Variants in GRID2 observed in about 807,000 individuals in gnomAD.
GRID2 encodes the protein glutamate ionotropic receptor delta type subunit 2, also known as glutamate receptor ionotropic, delta-2.
A neutral mutation model predicts 114.8 loss-of-function variants in GRID2; 33 were observed. The observed-to-expected ratio is 0.29, with a 90% CI of 0.22 to 0.38. The LOEUF is 0.38. GRID2 is among the 10% of genes least tolerant of loss of function. The pLI is 1.00. For missense variants in GRID2, 1,184 were observed against 1,257.7 expected (o/e 0.94, Z 0.89); for synonymous variants, 505 against 449.9 (o/e 1.12, Z -1.55).
chr4:93,247,354 G>A (rs1199985855), intron 8 of GRID2, among the ~76,000 whole-genome samples: 2 of 152,254 alleles, frequency 1.3e-5, no homozygotes, highest in East Asian at 3.9e-4. Context: ...GGCGTACTGG[G>A]TAAAGATTAC....
chr4:92,951,024 C>T (rs1751993385), intron 2 of GRID2, among the ~76,000 whole-genome samples: 1 of 152,040 alleles, frequency 6.6e-6, no homozygotes, highest in Non-Finnish European at 1.5e-5. Context: ...CTTTGTTCTT[C>T]TAAAGGAAAC....
intron 2 of GRID2, among the ~76,000 whole-genome samples, chr4:92,926,842 T>C (rs1279286259): frequency 6.6e-6 from 1 of 151,850 alleles, no homozygotes; most frequent in Non-Finnish European, 1.5e-5. Context: ...TAAGGAGCAA[T>C]AACTAACTCA....
intron 2 of GRID2, among the ~76,000 whole-genome samples, chr4:92,684,382 A>G (rs941237830): frequency 7.2e-5 from 11 of 151,992 alleles, no homozygotes; most frequent in Non-Finnish European, 1.5e-4. Flanking sequence ...ATAAGGTTGT[A>G]CAGTGTAATT....
rs541390220 is a variant in GRID2, at chr4:93,174,534, G to A, written c.736-32870G>A. 2.6e-5 allele frequency among the ~76,000 whole-genome samples: 4 copies of A among 152,182 alleles called. No homozygotes were observed. In the East Asian group the frequency reaches 5.8e-4, roughly 22 times the overall value. Reference sequence around the variant, plus strand: ...TTCATATGTTGAAGCTTTAACCCCCGATATGACTGTATCTGGAGATAGGGT... The same window carrying A: ...TTCATATGTTGAAGCTTTAACCCCCAATATGACTGTATCTGGAGATAGGGT... On this transcript the variant is annotated intron_variant, in intron 4 of 15. Coordinates refer to ENST00000282020, the MANE Select transcript of GRID2 (RefSeq NM_001510.4).
intron 3 of GRID2, among the ~76,000 whole-genome samples, chr4:93,096,658 A>G (rs1283112590): frequency 6.6e-6 from 1 of 152,026 alleles, no homozygotes; most frequent in Non-Finnish European, 1.5e-5. Context: ...GCCAATCTGC[A>G]TCCACTAGAT....
exon 2 of GRID2, chr4:93,809,522 A>G (rs915197591): frequency 6.6e-6 from 1 of 152,208 alleles, no homozygotes; most frequent in African/African-American, 2.4e-5. Flanking sequence ...ACTATGTACA[A>G]AAGATCTGAT....
intron 13 of GRID2, among the ~76,000 whole-genome samples, chr4:93,556,784 A>G (rs1734361917): frequency 1.3e-5 from 2 of 152,134 alleles, no homozygotes; most frequent in African/African-American, 2.4e-5. Context: ...CAACCCCAAG[A>G]CACATACTCA....
At chr4:93,023,162 A>G (rs1020541879) in intron 2 of GRID2, among the ~76,000 whole-genome samples, 1 of 150,426 alleles carries the variant, frequency 6.6e-6, no homozygotes, top group African/African-American at 2.4e-5. Context: ...TGTATTGGGC[A>G]TGTATCTTTG....
At chr4:92,866,810 C>G (rs562081847) in intron 2 of GRID2, among the ~76,000 whole-genome samples, 3 of 152,218 alleles carry the variant, frequency 2.0e-5, no homozygotes, top group Non-Finnish European at 4.4e-5. Flanking sequence ...CTCGGCCTCC[C>G]CAAGTGCGGG....
At chr4:93,619,245 A>G (rs969071290) in intron 13 of GRID2, among the ~76,000 whole-genome samples, 6 of 152,224 alleles carry the variant, frequency 3.9e-5, no homozygotes, top group Non-Finnish European at 7.3e-5. Context: ...CTTGAGTTTG[A>G]TCATGATTTA....
chr4:93,778,056 C>T (rs1037251503), downstream of GRID2, among the ~76,000 whole-genome samples: 2 of 152,122 alleles, frequency 1.3e-5, no homozygotes, highest in Non-Finnish European at 2.9e-5. Context: ...ATTCGCTACA[C>T]AAAAGATTCA....
chr4:92,462,598 A>T (rs58755678), intron 1 of GRID2, among the ~76,000 whole-genome samples: 3,748 of 152,064 alleles, frequency 0.025, 157 homozygotes, highest in African/African-American at 0.085. Flanking sequence ...GGATAAAAAA[A>T]TGGCTTGCTA....
intron 1 of GRID2, among the ~76,000 whole-genome samples, chr4:93,806,237 C>A (rs1735026685): frequency 6.6e-6 from 1 of 152,198 alleles, no homozygotes. Flanking sequence ...TAAGTTTATG[C>A]ATGGTCTGGA....
intron 1 of GRID2, among the ~76,000 whole-genome samples, chr4:92,555,560 A>C (rs572923178): frequency 6.6e-6 from 1 of 152,164 alleles, no homozygotes; most frequent in African/African-American, 2.4e-5. Flanking sequence ...GGGTCTGGCA[A>C]TGAAGAAAAA....
At chr4:92,331,310 T>C (rs774666372) in intron 1 of GRID2, among the ~76,000 whole-genome samples, 97 of 152,176 alleles carry the variant, frequency 6.4e-4, no homozygotes, top group Non-Finnish European at 1.3e-3. Flanking sequence ...GGATAAGCAG[T>C]CTGAAATTTA....
At chr4:92,997,151 T>C (rs1755252420) in intron 2 of GRID2, among the ~76,000 whole-genome samples, 1 of 152,160 alleles carries the variant, frequency 6.6e-6, no homozygotes, top group African/African-American at 2.4e-5. Flanking sequence ...GGTGATACAG[T>C]AGGAGTTATG....
chr4:93,207,783 T>C (rs1742986066), intron 5 of GRID2, among the ~76,000 whole-genome samples: 1 of 151,880 alleles, frequency 6.6e-6, no homozygotes, highest in Non-Finnish European at 1.5e-5. Flanking sequence ...CCCAGTGGAG[T>C]GCTTGTGTTC....
chr4:92,350,321 T>C (rs1207448137), intron 1 of GRID2, among the ~76,000 whole-genome samples: 1 of 151,844 alleles, frequency 6.6e-6, no homozygotes, highest in Non-Finnish European at 1.5e-5. Context: ...TCCACTACTC[T>C]CTCTCTTTCT....
At chr4:93,146,350 C>A (rs1736223881) in intron 4 of GRID2, among the ~76,000 whole-genome samples, 1 of 152,028 alleles carries the variant, frequency 6.6e-6, no homozygotes, top group African/African-American at 2.4e-5. Flanking sequence ...GTTAAGAGGG[C>A]AATTCAATTT....
Sources: allele counts gnomAD v4.1 joint callset (sites outside exome capture counted in the v4.1 genomes callset), GRCh38; gene constraint gnomAD v4.1.1; transcripts MANE v1.5; gene names NCBI Gene and HGNC (gene_info 2026-07-23, HGNC 2026-07-21).